The following TJP1 variants were observed in gnomAD, a reference collection of about 807,000 sequenced individuals.
TJP1 encodes tight junction protein ZO-1.
In TJP1, 43 loss-of-function variants were observed where a neutral mutation model predicts 194.2. The ratio of observed to expected loss-of-function variants is 0.22; its 90% CI spans 0.17 to 0.29. The LOEUF is 0.29. TJP1 is among the 10% of genes least tolerant of loss of function. The pLI is 1.00. For missense variants in TJP1, 1,971 were observed against 2,185.7 expected, an observed-to-expected ratio of 0.90 and a Z score of 1.96; for synonymous variants, 801 against 779.0, an observed-to-expected ratio of 1.03 and a Z score of -0.47.
chr15:29,751,859 G>C (rs562220002), intron 8 of TJP1, among the ~76,000 whole-genome samples: 1 of 152,236 alleles, frequency 6.6e-6, no homozygotes, highest in East Asian at 1.9e-4. Flanking sequence ...TTTAAATATT[G>C]TACTTGTAGA....
intron 10 of TJP1, 75 bp from the exon 11 acceptor site, chr15:29,737,489 T>C (rs1471294473): frequency 2.0e-6 from 3 of 1,500,694 alleles, no homozygotes; most frequent in Non-Finnish European, 2.7e-6. Flanking sequence ...CAGTGAAAAC[T>C]ATATTCAGAA....
At chr15:29,734,975 T>C (rs1040772215) in intron 11 of TJP1, among the ~76,000 whole-genome samples, 1 of 152,046 alleles carries the variant, frequency 6.6e-6, no homozygotes, top group Non-Finnish European at 1.5e-5. Context: ...AGGTAACTTT[T>C]TACAAGTTGC....
At chr15:29,957,656 C>A (rs140775099) in intron 1 of TJP1, among the ~76,000 whole-genome samples, 27 of 152,308 alleles carry the variant, frequency 1.8e-4, no homozygotes, top group African/African-American at 6.5e-4. Flanking sequence ...TTCAACTATT[C>A]CCCTACTAAT....
intron 2 of TJP1, among the ~76,000 whole-genome samples, chr15:29,922,103 T>A (rs2054384156): frequency 6.6e-6 from 1 of 152,150 alleles, no homozygotes; most frequent in African/African-American, 2.4e-5. Context: ...CGCCCTAGGC[T>A]CCCAAAGTGT....
At chr15:29,953,319 T>C (rs528566550) in intron 2 of TJP1, among the ~76,000 whole-genome samples, 74 of 152,134 alleles carry the variant, frequency 4.9e-4, no homozygotes, top group African/African-American at 1.8e-3. Flanking sequence ...TTTTTGTCTT[T>C]TTAATAGAGA....
At chr15:29,941,068 G>A (rs931775162) in intron 2 of TJP1, among the ~76,000 whole-genome samples, 7 of 152,024 alleles carry the variant, frequency 4.6e-5, no homozygotes, top group South Asian at 2.1e-4. Context: ...TTCTGTGAAT[G>A]TATTAAAAAA....
In TJP1 at chr15:29,734,087, C is replaced by T. The variant is rs576701291; in HGVS notation, c.1516+187G>A. ...TAAAGGTTAGTCCTATTAGCATGCT[C>T]TGCTAATGAGAATCATCTGAAATTC... On this transcript the variant is annotated intron_variant, in intron 12 of 27. Coordinates refer to ENST00000614355, the MANE Select transcript of TJP1 (RefSeq NM_001330239.4). Among the ~76,000 whole-genome samples, 23 of 152,250 alleles carry T rather than the reference C, an allele frequency of 1.5e-4. No individual in the cohort carries two copies. The South Asian group carries it at 4.6e-3, about 30-fold the overall frequency.
At chr15:29,804,264 C>A (rs2048976602) in intron 1 of TJP1, among the ~76,000 whole-genome samples, 1 of 152,084 alleles carries the variant, frequency 6.6e-6, no homozygotes, top group South Asian at 2.1e-4. Context: ...ATGGTAGAAT[C>A]TTAGTGGTTG....
intron 1 of TJP1, among the ~76,000 whole-genome samples, chr15:29,960,376 T>A (rs935948301): frequency 2.6e-5 from 4 of 151,266 alleles, no homozygotes. Context: ...AAACATGCTG[T>A]AATATCAGCA....
chr15:29,883,987 A>G (rs940819966), intron 2 of TJP1, among the ~76,000 whole-genome samples: 9 of 152,228 alleles, frequency 5.9e-5, no homozygotes, highest in African/African-American at 2.2e-4. Flanking sequence ...AATTCTTAGA[A>G]GGTAAAAATT....
chr15:29,822,504 G>C, upstream of TJP1: 29 of 984,630 alleles, frequency 2.9e-5, no homozygotes, highest in Non-Finnish European at 3.5e-5. Flanking sequence ...AGCATGCCCG[G>C]CCCGGCGGGG....
intron 1 of TJP1, among the ~76,000 whole-genome samples, chr15:29,802,283 A>T (rs1241021332): frequency 6.6e-6 from 1 of 152,210 alleles, no homozygotes; most frequent in Non-Finnish European, 1.5e-5. Flanking sequence ...TAGCATCATG[A>T]GAATATGCCT....
chr15:29,811,667 A>AT (rs1428413173), intron 1 of TJP1, among the ~76,000 whole-genome samples: 1 of 152,154 alleles, frequency 6.6e-6, no homozygotes, highest in Non-Finnish European at 1.5e-5. Context: ...CATTGTAATA[A>AT]TTTTTTCAAA....
chr15:29,713,374 G>A (rs1476317184), intron 23 of TJP1, among the ~76,000 whole-genome samples: 1 of 152,166 alleles, frequency 6.6e-6, no homozygotes, highest in Non-Finnish European at 1.5e-5. Context: ...AACCTTTCCA[G>A]TTCTAATCCA....
At chr15:29,948,989 A>C (rs1596307877) in intron 2 of TJP1, among the ~76,000 whole-genome samples, 3 of 91,860 alleles carry the variant, frequency 3.3e-5, no homozygotes, top group Admixed American at 1.2e-4. Flanking sequence ...ATCACAACCT[A>C]CTCCTTCACC....
At chr15:29,936,873 A>C (rs1481320025) in intron 2 of TJP1, among the ~76,000 whole-genome samples, 1 of 152,174 alleles carries the variant, frequency 6.6e-6, no homozygotes, top group Admixed American at 6.5e-5. Context: ...CTGGCAGCCC[A>C]GTGGAGTCCA....
At chr15:29,728,714 A>C (rs1040009301) in intron 15 of TJP1, 1 of 152,256 alleles carries the variant, frequency 6.6e-6, no homozygotes, top group Admixed American at 6.5e-5. Context: ...TTTGAAAGGA[A>C]AGGAAGAGCT....
At chr15:29,905,750 T>C (rs1377968418) in intron 2 of TJP1, among the ~76,000 whole-genome samples, 2 of 152,204 alleles carry the variant, frequency 1.3e-5, no homozygotes. Flanking sequence ...TTTGGTTTCT[T>C]TTACTTAGTA....
intron 2 of TJP1, among the ~76,000 whole-genome samples, chr15:29,858,474 G>C (rs1189514456): frequency 6.6e-6 from 1 of 152,174 alleles, no homozygotes; most frequent in African/African-American, 2.4e-5. Flanking sequence ...TGAGTCCCTA[G>C]TATGTGCCAG....
Sources: gnomAD v4.1 joint callset for allele counts (sites outside exome capture counted in the v4.1 genomes callset) on GRCh38, gnomAD v4.1.1 for gene constraint, MANE v1.5 for transcripts, NCBI Gene and HGNC (gene_info 2026-07-23, HGNC 2026-07-21) for gene names.